The following PDE8B variants were observed in gnomAD, a reference collection of about 807,000 sequenced individuals.
PDE8B encodes high affinity cAMP-specific and IBMX-insensitive 3',5'-cyclic phosphodiesterase 8B.
Under a neutral mutation model 101.3 loss-of-function variants are expected in PDE8B, and 26 were observed. The observed-to-expected ratio is 0.26, with a 90% CI of 0.19 to 0.36. PDE8B has a LOEUF of 0.36. Among genes scored for constraint, PDE8B ranks in the 10% least tolerant of loss-of-function variants. PDE8B has a pLI of 1.00. For synonymous variants in PDE8B, 424 were observed against 429.3 expected (o/e 0.99, Z 0.15); for missense variants, 810 against 1,163.1 (o/e 0.70, Z 4.42).
intron 1 of PDE8B, among the ~76,000 whole-genome samples, chr5:77,295,264 C>T (rs1768267780): frequency 6.6e-6 from 1 of 152,186 alleles, no homozygotes; most frequent in African/African-American, 2.4e-5. Flanking sequence ...ACTGTGCGAA[C>T]ATGCCAGACC....
chr5:77,378,517 A>G (rs372875697), intron 10 of PDE8B, among the ~76,000 whole-genome samples: 1 of 148,888 alleles, frequency 6.7e-6, no homozygotes, highest in Admixed American at 6.7e-5. Flanking sequence ...CTCAAAACCT[A>G]TGGTCTTTTC....
intron 13 of PDE8B, among the ~76,000 whole-genome samples, chr5:77,408,260 C>T (rs947605241): frequency 2.6e-5 from 4 of 152,188 alleles, no homozygotes; most frequent in African/African-American, 9.7e-5. Context: ...AGGCATGGCC[C>T]TCCCAGGTTT....
the PDE8B span, among the ~76,000 whole-genome samples, chr5:77,103,725 A>G: frequency 6.6e-6 from 1 of 152,160 alleles, no homozygotes; most frequent in Non-Finnish European, 1.5e-5. Context: ...ATCAAAGGTC[A>G]TGTGGTGGTG....
the PDE8B span, among the ~76,000 whole-genome samples, chr5:77,189,656 A>G: frequency 9.2e-5 from 14 of 152,208 alleles, no homozygotes; most frequent in Non-Finnish European, 1.6e-4. Context: ...TGCAGCAAGG[A>G]GGCTGCTGGA....
In PDE8B at chr5:77,411,717, T is replaced by C. The variant is rs2151094304; in HGVS notation, c.1572T>C (p.Thr524=). The change falls in exon 15 of 22, where the codon ACT becomes ACC. Residue 524 remains threonine (T), a synonymous_variant. Coordinates refer to ENST00000264917, the MANE Select transcript of PDE8B (RefSeq NM_003719.5). ...TGTCAGGAAACGAGTATGTGTTTACTAAGAGTAAGTTTTCATCTATTTACT... is the reference window on the plus strand; with the variant it reads ...TGTCAGGAAACGAGTATGTGTTTACCAAGAGTAAGTTTTCATCTATTTACT... The part of the protein sequence containing the change: ...RRLSGNEYVF[T]KNVHQSHSHL... The C allele has an allele frequency of 5.0e-6, 8 of 1,608,504 alleles. No individual in the cohort carries two copies. Among genetic ancestry groups the C allele is most frequent in the Non-Finnish European group, 6.8e-6 (8 of 1,174,850 alleles).
chr5:77,233,941 A>G lies in PDE8B; in HGVS notation c.339+22677A>G, dbSNP rs539291764. Among the ~76,000 whole-genome samples the G allele has an allele frequency of 5.7e-4, 87 of 151,938 alleles. 1 individual carries two copies. Among genetic ancestry groups the G allele is most frequent in the Non-Finnish European group, 1.2e-3 (79 of 68,010 alleles). ...ATCTGTTTTCATGCTTTCATTTAGC[A>G]TATATTTCCTGAGCACCTGCTTTGT... On this transcript the variant is annotated intron_variant, in intron 1 of 21. Coordinates refer to ENST00000264917, the MANE Select transcript of PDE8B (RefSeq NM_003719.5).
chr5:77,412,155 C>A lies in PDE8B; in HGVS notation c.1632C>A (p.Pro544=), dbSNP rs202120723. ...LAMPITINDV[P]PCISQLLDNE... ...TGCCAATAACCATCAATGATGTTCC[C>A]CCTTGTATCTCTCAATTACTTGATA... The change falls in exon 16 of 22, where the codon CCC becomes CCA. Residue 544 remains proline (P), a synonymous_variant. Coordinates refer to ENST00000264917, the MANE Select transcript of PDE8B (RefSeq NM_003719.5). 6.2e-7 allele frequency: 1 copy of A among 1,613,704 alleles called. No individual in the cohort carries two copies.
chr5:77,234,722 G>C (rs1385220173), intron 1 of PDE8B, among the ~76,000 whole-genome samples: 1 of 152,058 alleles, frequency 6.6e-6, no homozygotes, highest in Non-Finnish European at 1.5e-5. Context: ...GACCCCTGAC[G>C]TCCAGACCAG....
intron 6 of PDE8B, among the ~76,000 whole-genome samples, chr5:77,343,398 C>T (rs753223913): frequency 6.6e-6 from 1 of 152,190 alleles, no homozygotes; most frequent in East Asian, 1.9e-4. Flanking sequence ...TCCTAGGCTA[C>T]AAACCTGTAG....
At chr5:77,254,593 CT>C (rs531676582) in intron 1 of PDE8B, among the ~76,000 whole-genome samples, 4 of 150,478 alleles carry the variant, frequency 2.7e-5, no homozygotes, top group Non-Finnish European at 5.9e-5. Context: ...TTTGTTTTGT[CT>C]TTTTTTTTCA....
intron 3 of PDE8B, among the ~76,000 whole-genome samples, chr5:77,326,405 G>C (rs920795255): frequency 2.0e-5 from 3 of 152,222 alleles, no homozygotes; most frequent in Non-Finnish European, 4.4e-5. Context: ...CCAAGACAGA[G>C]TCCAGTTGCA....
intron 10 of PDE8B, among the ~76,000 whole-genome samples, chr5:77,393,735 G>C (rs1347088165): frequency 1.3e-5 from 2 of 152,150 alleles, no homozygotes; most frequent in Non-Finnish European, 2.9e-5. Context: ...TTCCCCATTA[G>C]ACTATGCTTG....
At chr5:77,386,506 G>A (rs1161077194) in intron 10 of PDE8B, among the ~76,000 whole-genome samples, 2 of 152,158 alleles carry the variant, frequency 1.3e-5, no homozygotes, top group African/African-American at 4.8e-5. Flanking sequence ...TCTTCCTGTT[G>A]CATTGATCCC....
chr5:77,357,209 C>T (rs1450039665), intron 10 of PDE8B, among the ~76,000 whole-genome samples: 1 of 152,102 alleles, frequency 6.6e-6, no homozygotes, highest in Non-Finnish European at 1.5e-5. Context: ...ACACCACAGC[C>T]CTCAGAAAAC....
intron 1 of PDE8B, among the ~76,000 whole-genome samples, chr5:77,309,267 GAGAA>G (rs1289595713): frequency 6.6e-6 from 1 of 151,808 alleles, no homozygotes; most frequent in East Asian, 1.9e-4. Context: ...AGGAAAGAGA[GAGAA>G]AGAAAGAGAG....
Position 77,353,338 on chromosome 5 carries a change from G to C in PDE8B, c.1107-8G>C, listed in dbSNP as rs374274826. On this transcript the variant is annotated splice_region_variant and splice_polypyrimidine_tract_variant and intron_variant, in intron 9 of 21. Coordinates refer to ENST00000264917, the MANE Select transcript of PDE8B (RefSeq NM_003719.5). ...CTGACTCACTAATAACTGATTATTT[G>C]TTATTAGGAAAATTAGGCATTTTGT... is the stretch of plus-strand genomic sequence containing the variant. The C allele has an allele frequency of 1.3e-6, 2 of 1,496,220 alleles. No homozygotes were observed. The highest frequency in any genetic ancestry group is 2.8e-5 in the African/African-American group (2 of 72,482). The allele number at this position is 1,496,220 out of a possible 1,614,324, so 92.7% of individuals were successfully genotyped here.
At chr5:77,115,790 C>T in the PDE8B span, among the ~76,000 whole-genome samples, 248 of 152,286 alleles carry the variant, frequency 1.6e-3, no homozygotes, top group African/African-American at 5.2e-3. Context: ...ACAACAGCAA[C>T]GACCCTCTTG....
Position 77,325,690 on chromosome 5 carries a change from A to G in PDE8B, c.551A>G (p.His184Arg), listed in dbSNP as rs757844049. ...DKHHEIIVID[H>R]RQTQNFDAEA... is the part of the protein sequence containing the mutation. ...CATCATGAAATTATTGTAATTGATC[A>G]TAGACAAACTCAGAACTTCGATGCA... The change falls in exon 3 of 22, where the codon CAT becomes CGT. Residue 184 changes from histidine to arginine, a missense_variant. Transcript: ENST00000264917. The G allele has an allele frequency of 1.2e-6, 2 of 1,613,784 alleles. No homozygotes were observed. The highest frequency in any genetic ancestry group is 1.7e-6 in the Non-Finnish European group (2 of 1,179,732).
At chr5:77,378,752 C>T (rs1442278380) in intron 10 of PDE8B, among the ~76,000 whole-genome samples, 1 of 152,190 alleles carries the variant, frequency 6.6e-6, no homozygotes, top group Non-Finnish European at 1.5e-5. Flanking sequence ...CACCTGAGAA[C>T]TCTTAGATCC....
Sources: gnomAD v4.1 joint callset for allele counts (sites outside exome capture counted in the v4.1 genomes callset) on GRCh38, gnomAD v4.1.1 for gene constraint, MANE v1.5 for transcripts, NCBI Gene and HGNC (gene_info 2026-07-23, HGNC 2026-07-21) for gene names.